Variants in IGFBP7 observed in about 807,000 individuals in gnomAD.
IGFBP7 encodes insulin-like growth factor-binding protein 7.
IGFBP7 carries 31 observed loss-of-function variants against 29.4 expected under a neutral mutation model. The ratio of observed to expected loss-of-function variants is 1.05; its 90% CI spans 0.79 to 1.42. The LOEUF (loss-of-function observed/expected upper bound fraction) is 1.42, where lower values mean the gene tolerates loss of function less well. IGFBP7 is among the 40% of genes most tolerant of loss of function. The pLI, the probability that IGFBP7 is intolerant of heterozygous loss-of-function variation, is 0.00. For synonymous variants in IGFBP7, 172 were observed against 174.9 expected, an observed-to-expected ratio of 0.98 and a Z score of 0.13; for missense variants, 393 against 395.5, an observed-to-expected ratio of 0.99 and a Z score of 0.05.
At chr4:57,047,884 G>A (rs1453485836) in intron 1 of IGFBP7, among the ~76,000 whole-genome samples, 1 of 152,066 alleles carries the variant, frequency 6.6e-6, no homozygotes, top group African/African-American at 2.4e-5. Context: ...GCAGGTGTGT[G>A]CCACCACGCC....
chr4:57,079,416 G>T (rs1033524829), intron 1 of IGFBP7, among the ~76,000 whole-genome samples: 3 of 152,018 alleles, frequency 2.0e-5, no homozygotes, highest in Non-Finnish European at 2.9e-5. Flanking sequence ...AAAAAAAAAA[G>T]AGCAGAGCCT....
intron 1 of IGFBP7, among the ~76,000 whole-genome samples, chr4:57,083,128 C>T (rs1725413241): frequency 6.6e-6 from 1 of 151,990 alleles, no homozygotes; most frequent in Non-Finnish European, 1.5e-5. Flanking sequence ...TACTTATGTC[C>T]CTATGCGTTA....
intron 1 of IGFBP7, among the ~76,000 whole-genome samples, chr4:57,075,911 G>T: frequency 6.6e-6 from 1 of 152,110 alleles, no homozygotes; most frequent in East Asian, 1.9e-4. Context: ...ACTATATATG[G>T]GCCCTATGAA....
At chr4:57,097,411 C>G (rs1354990254) in intron 1 of IGFBP7, among the ~76,000 whole-genome samples, 1 of 152,166 alleles carries the variant, frequency 6.6e-6, no homozygotes, top group East Asian at 1.9e-4. Context: ...CACGAATTTT[C>G]TTTTTAAGAA....
At chr4:57,048,881 C>A (rs925218860) in intron 1 of IGFBP7, among the ~76,000 whole-genome samples, 2 of 152,160 alleles carry the variant, frequency 1.3e-5, no homozygotes, top group African/African-American at 4.8e-5. Context: ...CTTGGACAAG[C>A]CACTTAACCA....
chr4:57,034,989 G>T (rs17087401), intron 2 of IGFBP7, among the ~76,000 whole-genome samples: 19,365 of 152,164 alleles, frequency 0.13, 1,571 homozygotes, highest in East Asian at 0.39. Flanking sequence ...ACTTAAAAAT[G>T]GGTTGTAAGA....
intron 1 of IGFBP7, among the ~76,000 whole-genome samples, chr4:57,074,803 T>A (rs895052505): frequency 1.3e-5 from 2 of 152,268 alleles, no homozygotes; most frequent in African/African-American, 4.8e-5. Flanking sequence ...ACTGTCATGC[T>A]TCAGGAATTT....
Position 57,109,976 on chromosome 4 carries a change from T to G in IGFBP7, c.376A>C (p.Thr126Pro). Residue 126 changes from threonine to proline, a missense_variant, in exon 1 of 5, where the codon ACC becomes CCC. Coordinates refer to ENST00000295666, the MANE Select transcript of IGFBP7 (RefSeq NM_001553.3). The part of the protein sequence containing the change: ...RYPVCGSDGT[T>P]YPSGCQLRAA... ...CGCAGCTGGCAGCCGCTCGGGTAGG[T>G]GGTGCCGTCGCTGCCGCACACCGGG... 3.9e-6 allele frequency: 6 copies of G among 1,546,682 alleles called. No individual in the cohort carries two copies. Among genetic ancestry groups the G allele is most frequent in the Non-Finnish European group, 5.2e-6 (6 of 1,152,122 alleles).
At chr4:57,105,121 C>T (rs1234449308) in intron 1 of IGFBP7, among the ~76,000 whole-genome samples, 1 of 152,194 alleles carries the variant, frequency 6.6e-6, no homozygotes, top group East Asian at 1.9e-4. Context: ...CCAACTTGTT[C>T]TCCACTCAGG....
At chr4:57,067,326 G>A (rs1724942937) in intron 1 of IGFBP7, among the ~76,000 whole-genome samples, 1 of 151,168 alleles carries the variant, frequency 6.6e-6, no homozygotes, top group Admixed American at 6.6e-5. Context: ...AAGACACAAG[G>A]GATTTTTTTT....
intron 1 of IGFBP7, among the ~76,000 whole-genome samples, chr4:57,087,609 C>T (rs1428085818): frequency 3.3e-5 from 5 of 152,172 alleles, no homozygotes; most frequent in Admixed American, 6.5e-5. Context: ...CAGCTATACG[C>T]AAGGTTATAT....
Position 57,068,959 on chromosome 4 carries a change from C to T in IGFBP7, c.476-28026G>A, listed in dbSNP as rs187307513. Among the ~76,000 whole-genome samples, 823 of 152,064 alleles carry T rather than the reference C, an allele frequency of 5.4e-3. 4 individuals carry two copies. Among genetic ancestry groups the T allele is most frequent in the Non-Finnish European group, 4.7e-3 (320 of 67,996 alleles). On this transcript the variant is annotated intron_variant, in intron 1 of 4. Coordinates refer to ENST00000295666, the MANE Select transcript of IGFBP7 (RefSeq NM_001553.3). ...GGATGCAGGCCCCTTCTGAAGGACA[C>T]GAGAGAAATGTGAAAGTGGTAAGGA... is the stretch of plus-strand genomic sequence containing the variant.
At chr4:57,093,392 C>T (rs1725684645) in intron 1 of IGFBP7, among the ~76,000 whole-genome samples, 1 of 151,790 alleles carries the variant, frequency 6.6e-6, no homozygotes. Context: ...CCCAGTTACT[C>T]AGGAGGCTGA....
intron 2 of IGFBP7, among the ~76,000 whole-genome samples, chr4:57,038,953 C>G (rs1724151629): frequency 1.3e-5 from 2 of 150,274 alleles, no homozygotes; most frequent in South Asian, 4.2e-4. Context: ...GTAATCCCAA[C>G]TACTTGAGAG....
chr4:57,055,880 AAGG>A (rs1724656548), intron 1 of IGFBP7, among the ~76,000 whole-genome samples: 1 of 152,036 alleles, frequency 6.6e-6, no homozygotes, highest in Non-Finnish European at 1.5e-5. Flanking sequence ...TTAAGCGGGC[AAGG>A]AGGAGGTTGA....
chr4:57,061,313 T>C (rs969284744), intron 1 of IGFBP7, among the ~76,000 whole-genome samples: 3 of 152,128 alleles, frequency 2.0e-5, no homozygotes, highest in Non-Finnish European at 2.9e-5. Flanking sequence ...CTATGTTTTT[T>C]CCAATATTTT....
intron 1 of IGFBP7, among the ~76,000 whole-genome samples, chr4:57,088,564 G>A (rs1196386450): frequency 6.6e-6 from 1 of 152,100 alleles, no homozygotes; most frequent in African/African-American, 2.4e-5. Context: ...TTTGAGGGCT[G>A]TTTCTGAAGC....
At chr4:57,051,148 G>T (rs1724494375) in intron 1 of IGFBP7, among the ~76,000 whole-genome samples, 1 of 152,194 alleles carries the variant, frequency 6.6e-6, no homozygotes, top group African/African-American at 2.4e-5. Flanking sequence ...GAAAAGAATA[G>T]TAGGAAGGCA....
chr4:57,073,972 C>T (rs545713421), intron 1 of IGFBP7, among the ~76,000 whole-genome samples: 78 of 152,328 alleles, frequency 5.1e-4, no homozygotes, highest in African/African-American at 1.8e-3. Context: ...CTCACCCAGC[C>T]ACTGTCCTGG....
Sources: allele counts gnomAD v4.1 joint callset (sites outside exome capture counted in the v4.1 genomes callset), GRCh38; gene constraint gnomAD v4.1.1; transcripts MANE v1.5; gene names NCBI Gene and HGNC (gene_info 2026-07-23, HGNC 2026-07-21).